Variants in TBCD observed in about 807,000 individuals in gnomAD.
TBCD encodes the protein tubulin-specific chaperone D.
A neutral mutation model predicts 169.3 loss-of-function variants in TBCD; 105 were observed. That is an observed-to-expected ratio of 0.62 (90% CI 0.53 to 0.73). The LOEUF (loss-of-function observed/expected upper bound fraction) is 0.73. TBCD is among the 30% of genes least tolerant of loss of function. TBCD has a pLI of 0.00. For synonymous variants in TBCD, 700 were observed against 643.9 expected, an observed-to-expected ratio of 1.09 and a Z score of -1.32; for missense variants, 1,444 against 1,600.1, an observed-to-expected ratio of 0.90 and a Z score of 1.66.
At chr17:82,840,296 A>G (rs1325747420) in intron 13 of TBCD, 2 of 152,256 alleles carry the variant, frequency 1.3e-5, no homozygotes, top group East Asian at 3.8e-4. Flanking sequence ...CAGTTAGAAT[A>G]GAGATTACTA....
At chr17:82,768,836 T>C (rs894263691) in intron 5 of TBCD, among the ~76,000 whole-genome samples, 8 of 152,180 alleles carry the variant, frequency 5.3e-5, no homozygotes, top group Non-Finnish European at 1.2e-4. Context: ...AGTGGCATGG[T>C]GAGAGAGAAT....
intron 36 of TBCD, 43 bp from the exon 37 acceptor site, chr17:82,939,324 G>T: frequency 1.3e-6 from 2 of 1,509,986 alleles, no homozygotes; most frequent in Non-Finnish European, 9.1e-7. Context: ...GGGGTGGGGC[G>T]GTGGCGCTTC....
At chr17:82,941,285 G>C in intron 37 of TBCD, 114 bp from the exon 38 acceptor site, 1 of 825,984 alleles carries the variant, frequency 1.2e-6, no homozygotes, top group Non-Finnish European at 1.9e-6. Context: ...TGGATGTCGG[G>C]GGTGAGGTCT....
intron 1 of TBCD, among the ~76,000 whole-genome samples, chr17:82,755,590 C>A (rs769463764): frequency 1.3e-5 from 2 of 152,064 alleles, no homozygotes; most frequent in African/African-American, 2.4e-5. Flanking sequence ...TGAATTCCAA[C>A]GAGAGGAGGG....
At chr17:82,898,719 G>A (rs1039941137) in intron 17 of TBCD, among the ~76,000 whole-genome samples, 12 of 151,994 alleles carry the variant, frequency 7.9e-5, no homozygotes, top group African/African-American at 2.2e-4. Context: ...GGTAGGGATC[G>A]ATTTCTTCTG....
intron 13 of TBCD, among the ~76,000 whole-genome samples, chr17:82,868,530 A>T: frequency 6.6e-6 from 1 of 152,336 alleles, no homozygotes; most frequent in African/African-American, 2.4e-5. Flanking sequence ...AGGAAAGTTC[A>T]TTTTTATGTA....
At chr17:82,921,191 G>A (rs960305504) in intron 24 of TBCD, 10 of 442,164 alleles carry the variant, frequency 2.3e-5, no homozygotes, top group South Asian at 1.3e-4. Flanking sequence ...GGTGGGAGCC[G>A]GGGGAGACCG....
At chr17:82,837,061 CAG>C (rs1325136781) in intron 13 of TBCD, among the ~76,000 whole-genome samples, 3 of 152,188 alleles carry the variant, frequency 2.0e-5, no homozygotes, top group Non-Finnish European at 2.9e-5. Flanking sequence ...CTAATTAAAA[CAG>C]GGAGCACAGC....
chr17:82,928,003 G>T lies in TBCD; in HGVS notation c.2693+15G>T. 1 of 1,606,384 alleles carries T rather than the reference G, an allele frequency of 6.2e-7. No homozygotes were observed. The highest frequency in any genetic ancestry group is 2.2e-5 in the East Asian group (1 of 44,810). Reference sequence around the variant, plus strand: ...GAGGCCCATACGTGAGTGTCACGTCGCAGCTCTTCTGCATCCTAGAGGGCA... The same window carrying T: ...GAGGCCCATACGTGAGTGTCACGTCTCAGCTCTTCTGCATCCTAGAGGGCA... On this transcript the variant is annotated intron_variant, in intron 30 of 38. Transcript: ENST00000355528.
At chr17:82,837,817 C>T (rs2054116632) in intron 13 of TBCD, among the ~76,000 whole-genome samples, 2 of 152,214 alleles carry the variant, frequency 1.3e-5, no homozygotes, top group African/African-American at 4.8e-5. Context: ...TCCAACACAC[C>T]TCCTCCGAGC....
chr17:82,810,295 G>A (rs2051337186), intron 12 of TBCD, among the ~76,000 whole-genome samples: 1 of 152,210 alleles, frequency 6.6e-6, no homozygotes, highest in Non-Finnish European at 1.5e-5. Context: ...CATCTCTACA[G>A]AGAGTTAAAA....
intron 17 of TBCD, among the ~76,000 whole-genome samples, chr17:82,896,291 C>T (rs553785023): frequency 2.6e-5 from 4 of 152,188 alleles, no homozygotes; most frequent in East Asian, 1.9e-4. Flanking sequence ...GGGTGTGGTA[C>T]GTGGCGTCTG....
At chr17:82,784,749 C>T (rs192641476) in intron 7 of TBCD, among the ~76,000 whole-genome samples, 2 of 152,274 alleles carry the variant, frequency 1.3e-5, no homozygotes, top group Non-Finnish European at 2.9e-5. Flanking sequence ...AGGACACGCT[C>T]TTAGGTCCCT....
intron 13 of TBCD, among the ~76,000 whole-genome samples, chr17:82,867,474 C>T (rs895403385): frequency 6.6e-6 from 1 of 152,186 alleles, no homozygotes; most frequent in African/African-American, 2.4e-5. Flanking sequence ...CACATTTGGG[C>T]AGCGCTTTCC....
intron 13 of TBCD, among the ~76,000 whole-genome samples, chr17:82,823,941 C>T (rs1456586092): frequency 1.3e-5 from 2 of 151,992 alleles, no homozygotes; most frequent in African/African-American, 4.8e-5. Context: ...TGCTCCTTCC[C>T]TTCAACCCTT....
chr17:82,766,388 CCCT>C lies in TBCD; in HGVS notation c.435+22_435+24del. On this transcript the variant is annotated intron_variant, in intron 4 of 38. Transcript: ENST00000355528. ...CATGAAGTGAGTGTCTCTGCCTCCC[CCCT>C]CGTCTCCAGCCCTCCGTGCCTGTCC... 6.3e-7 allele frequency: 1 copy of C among 1,585,160 alleles called. No individual in the cohort carries two copies. Among genetic ancestry groups the C allele is most frequent in the Non-Finnish European group, 8.6e-7 (1 of 1,158,428 alleles).
intron 34 of TBCD, among the ~76,000 whole-genome samples, chr17:82,936,811 C>T (rs1213990145): frequency 6.6e-6 from 1 of 152,208 alleles, no homozygotes; most frequent in Non-Finnish European, 1.5e-5. Context: ...CAAGCCTCAG[C>T]CCTTGTCCCT....
At chr17:82,910,690 C>T (rs755911138) in intron 22 of TBCD, among the ~76,000 whole-genome samples, 7 of 152,102 alleles carry the variant, frequency 4.6e-5, no homozygotes, top group South Asian at 2.1e-4. Flanking sequence ...CTCAGCCTCC[C>T]GGGTAGCTGG....
At chr17:82,869,666 C>G (rs1175031025) in intron 13 of TBCD, among the ~76,000 whole-genome samples, 2 of 152,216 alleles carry the variant, frequency 1.3e-5, no homozygotes, top group African/African-American at 4.8e-5. Context: ...ATGGGTTATT[C>G]TTGAAGTCAG....
Sources: allele counts gnomAD v4.1 joint callset (sites outside exome capture counted in the v4.1 genomes callset), GRCh38; gene constraint gnomAD v4.1.1; transcripts MANE v1.5; gene names NCBI Gene and HGNC (gene_info 2026-07-23, HGNC 2026-07-21).